Variants in IGF1R observed in about 807,000 individuals in gnomAD.
IGF1R encodes insulin like growth factor 1 receptor.
Under a neutral mutation model 144.6 loss-of-function variants are expected in IGF1R, and 44 were observed. The ratio of observed to expected loss-of-function variants is 0.30; its 90% CI spans 0.24 to 0.39. The LOEUF (loss-of-function observed/expected upper bound fraction) is 0.39. IGF1R is among the 10% of genes least tolerant of loss of function. The probability of loss-of-function intolerance (pLI) is 1.00; values close to 1 mark genes in which losing one functional copy is unlikely to be tolerated. For missense variants in IGF1R, 1,355 were observed against 1,833.7 expected (o/e 0.74, Z 4.77); for synonymous variants, 795 against 722.8 (o/e 1.10, Z -1.60).
chr15:98,911,278 G>A (rs905588804), intron 6 of IGF1R, 37 bp from the exon 7 acceptor site: 6 of 1,613,526 alleles, frequency 3.7e-6, no homozygotes, highest in African/African-American at 2.7e-5. Flanking sequence ...AGAGACACAT[G>A]AATCTCTGTC....
intron 1 of IGF1R, among the ~76,000 whole-genome samples, chr15:98,666,929 G>C (rs1025858486): frequency 7.9e-5 from 12 of 152,126 alleles, no homozygotes; most frequent in African/African-American, 2.9e-4. Flanking sequence ...ATTTTAAAAA[G>C]CTTATTTCTC....
intron 1 of IGF1R, among the ~76,000 whole-genome samples, chr15:98,652,135 C>G (rs1331000790): frequency 6.6e-6 from 1 of 152,184 alleles, no homozygotes; most frequent in Non-Finnish European, 1.5e-5. Flanking sequence ...TCTTAGAAAA[C>G]TTAGTTTCTG....
intron 2 of IGF1R, among the ~76,000 whole-genome samples, chr15:98,773,853 A>T (rs988660311): frequency 2.0e-5 from 3 of 152,146 alleles, no homozygotes; most frequent in South Asian, 4.1e-4. Flanking sequence ...TCCGGGGGGA[A>T]GCCAGCCTAA....
At chr15:98,798,015 G>A (rs544855385) in intron 2 of IGF1R, among the ~76,000 whole-genome samples, 4 of 152,346 alleles carry the variant, frequency 2.6e-5, no homozygotes, top group Admixed American at 2.0e-4. Context: ...AGGCCCCAGC[G>A]AGGGAAAGAT....
At chr15:98,855,354 C>T (rs1395244915) in intron 2 of IGF1R, among the ~76,000 whole-genome samples, 1 of 152,212 alleles carries the variant, frequency 6.6e-6, no homozygotes, top group South Asian at 2.1e-4. Context: ...AGTAGTAATA[C>T]CTTTTCCTTG....
intron 2 of IGF1R, among the ~76,000 whole-genome samples, chr15:98,722,540 C>G (rs1030904757): frequency 6.6e-6 from 1 of 152,196 alleles, no homozygotes; most frequent in Admixed American, 6.5e-5. Context: ...CTGCCCCCCA[C>G]CTCCATATGT....
chr15:98,663,173 C>T (rs544573345), intron 1 of IGF1R, among the ~76,000 whole-genome samples: 1 of 152,078 alleles, frequency 6.6e-6, no homozygotes, highest in African/African-American at 2.4e-5. Context: ...TGAGATGGGT[C>T]CTCGGTGTGA....
At chr15:98,868,327 C>CAAAAAGA (rs369955336) in intron 2 of IGF1R, among the ~76,000 whole-genome samples, 1 of 49,854 alleles carries the variant, frequency 2.0e-5, no homozygotes, top group Non-Finnish European at 3.6e-5. Context: ...ACCTTGTCTC[C>CAAAAAGA]AAAAAAAAAA....
rs200085365 is a variant in IGF1R, at chr15:98,673,602, G to A, written c.94+23927G>A. Among the ~76,000 whole-genome samples the A allele has an allele frequency of 1.3e-4, 20 of 152,256 alleles. No individual in the cohort carries two copies. In the East Asian group the frequency reaches 3.9e-3, roughly 29 times the overall value. ...CACCTGTGCTTGCCTTGAATGGGGCGGTGACCACTGGATCCCCCCATGCTG... is the reference window on the plus strand; with the variant it reads ...CACCTGTGCTTGCCTTGAATGGGGCAGTGACCACTGGATCCCCCCATGCTG... On this transcript the variant is annotated intron_variant, in intron 1 of 20. Coordinates refer to ENST00000650285, the MANE Select transcript of IGF1R (RefSeq NM_000875.5).
At chr15:98,950,476 G>A (rs1229843343) in intron 20 of IGF1R, among the ~76,000 whole-genome samples, 1 of 152,196 alleles carries the variant, frequency 6.6e-6, no homozygotes, top group Admixed American at 6.5e-5. Context: ...TCAGGGTTCT[G>A]CACTTGCAGG....
At chr15:98,739,517 T>C (rs2054688945) in intron 2 of IGF1R, among the ~76,000 whole-genome samples, 1 of 152,162 alleles carries the variant, frequency 6.6e-6, no homozygotes, top group African/African-American at 2.4e-5. Context: ...GATCAGGTTG[T>C]CTCCTAAAAA....
intron 2 of IGF1R, among the ~76,000 whole-genome samples, chr15:98,878,620 A>T (rs774569562): frequency 6.8e-5 from 9 of 132,612 alleles, no homozygotes; most frequent in Non-Finnish European, 1.4e-4. Flanking sequence ...CAAAATAGTC[A>T]CCCATTCTGC....
At chr15:98,851,123 G>GT (rs1446964329) in intron 2 of IGF1R, among the ~76,000 whole-genome samples, 1 of 152,174 alleles carries the variant, frequency 6.6e-6, no homozygotes, top group Non-Finnish European at 1.5e-5. Flanking sequence ...GGCAGGCAGG[G>GT]TAAGGCCTAG....
At chr15:98,954,456 C>T (rs2016900138) in intron 20 of IGF1R, 1 of 152,060 alleles carries the variant, frequency 6.6e-6, no homozygotes, top group African/African-American at 2.4e-5. Context: ...ACACATCCTT[C>T]TAGAGTCTAA....
Position 98,899,405 on chromosome 15 carries a change from G to A in IGF1R, c.1103-72G>A, listed in dbSNP as rs1225778989. 3.3e-6 allele frequency: 5 copies of A among 1,499,544 alleles called. No individual in the cohort carries two copies. In the African/African-American group the frequency reaches 5.5e-5, roughly 17 times the overall value. The allele number at this position is 1,499,544 out of a possible 1,614,324, so 92.9% of individuals were successfully genotyped here. A position where few individuals can be genotyped will look rare whatever the true frequency, so the allele number is the denominator to read the frequency against. On this transcript the variant is annotated intron_variant, in intron 4 of 20. Transcript: ENST00000650285. ...CTGCCGTTGAATTGTTCTCACTTGT[G>A]TTTGTAAGAATCCAAGTATGTCACC...
At chr15:98,893,192 G>A (rs2014014415) in intron 3 of IGF1R, among the ~76,000 whole-genome samples, 1 of 152,186 alleles carries the variant, frequency 6.6e-6, no homozygotes, top group Non-Finnish European at 1.5e-5. Context: ...GAAGTACATT[G>A]AGGAAGTGTT....
chr15:98,657,787 A>G lies in IGF1R; in HGVS notation c.94+8112A>G, dbSNP rs140546407. 2.7e-3 allele frequency among the ~76,000 whole-genome samples: 407 copies of G among 152,356 alleles called. 2 individuals are homozygous for G. Among genetic ancestry groups the G allele is most frequent in the Non-Finnish European group, 2.8e-3 (188 of 68,036 alleles). On this transcript the variant is annotated intron_variant, in intron 1 of 20. Coordinates refer to ENST00000650285, the MANE Select transcript of IGF1R (RefSeq NM_000875.5). Reference sequence around the variant, plus strand: ...AATTTTCAGCAACAGAGATTGGCTCAGGATGGAATTTGTTCAGTTTCAGTT... The same window carrying G: ...AATTTTCAGCAACAGAGATTGGCTCGGGATGGAATTTGTTCAGTTTCAGTT...
At chr15:98,922,567 C>A in intron 11 of IGF1R, 136 bp downstream of exon 11, 2 of 1,034,874 alleles carry the variant, frequency 1.9e-6, no homozygotes, top group East Asian at 4.8e-5. Flanking sequence ...AACGTGCAGT[C>A]ATTGGCAGGT....
chr15:98,737,314 C>T (rs2054634335), intron 2 of IGF1R, among the ~76,000 whole-genome samples: 1 of 152,170 alleles, frequency 6.6e-6, no homozygotes, highest in Non-Finnish European at 1.5e-5. Context: ...AAGTGTTTGG[C>T]TGGTGACATT....
Sources: gnomAD v4.1 joint callset for allele counts (sites outside exome capture counted in the v4.1 genomes callset) on GRCh38, gnomAD v4.1.1 for gene constraint, MANE v1.5 for transcripts, NCBI Gene and HGNC (gene_info 2026-07-23, HGNC 2026-07-21) for gene names.